The following PECR variants were observed in gnomAD, a reference collection of about 807,000 sequenced individuals.
PECR encodes peroxisomal trans-2-enoyl-CoA reductase, also known as 2,4-dienoyl-CoA reductase-related protein.
A neutral mutation model predicts 35.3 loss-of-function variants in PECR; 30 were observed. The ratio of observed to expected loss-of-function variants is 0.85; its 90% CI spans 0.64 to 1.15. The LOEUF (loss-of-function observed/expected upper bound fraction) is 1.15. Among genes scored for constraint, PECR ranks in the 50% most tolerant of loss-of-function variants. PECR has a pLI of 0.00. For synonymous variants in PECR, 148 were observed against 138.9 expected (o/e 1.07, Z -0.46); for missense variants, 392 against 370.8 (o/e 1.06, Z -0.47).
Position 216,058,982 on chromosome 2 carries a change from G to A in PECR, c.425-6C>T, listed in dbSNP as rs757145058. The A allele has an allele frequency of 1.3e-6, 2 of 1,572,552 alleles. No homozygotes were observed. The highest frequency in any genetic ancestry group is 1.8e-6 in the Non-Finnish European group (2 of 1,142,800). ...TTTCATCCAGGAGCTGTAAACTGCA[G>A]GATAGAGGCAAACTCAATCATTAAA... On this transcript the variant is annotated splice_region_variant and splice_polypyrimidine_tract_variant and intron_variant, in intron 3 of 7. Transcript: ENST00000265322.
intron 7 of PECR, among the ~76,000 whole-genome samples, chr2:216,030,954 T>A (rs56972558): frequency 0.35 from 37,943 of 107,798 alleles, 5,493 homozygotes; most frequent in Non-Finnish European, 0.41. Context: ...TCTCTCTCTC[T>A]CTCACACACA....
chr2:216,029,824 G>A (rs1694652672), intron 7 of PECR, among the ~76,000 whole-genome samples: 1 of 152,218 alleles, frequency 6.6e-6, no homozygotes, highest in African/African-American at 2.4e-5. Flanking sequence ...AAAAGGAGAT[G>A]GTTTAATGAA....
intron 4 of PECR, among the ~76,000 whole-genome samples, chr2:216,056,373 G>C (rs1348050678): frequency 6.6e-6 from 1 of 152,146 alleles, no homozygotes; most frequent in African/African-American, 2.4e-5. Context: ...AAATTAGCAA[G>C]TAATAAGCAG....
intron 6 of PECR, among the ~76,000 whole-genome samples, chr2:216,046,285 T>C (rs1345271544): frequency 3.9e-5 from 4 of 103,562 alleles, no homozygotes; most frequent in African/African-American, 1.5e-4. Context: ...AGTATATATA[T>C]ATACATACAT....
At chr2:216,059,890 C>A (rs1695300815) in intron 3 of PECR, among the ~76,000 whole-genome samples, 1 of 152,188 alleles carries the variant, frequency 6.6e-6, no homozygotes, top group South Asian at 2.1e-4. Flanking sequence ...ATTCTGGGCC[C>A]TCTGCATCTC....
chr2:216,032,804 TTTAGAA>T (rs1208400062), intron 7 of PECR: 4 of 152,224 alleles, frequency 2.6e-5, no homozygotes, highest in African/African-American at 9.6e-5. Flanking sequence ...TTGAATACGG[TTTAGAA>T]TCTTCCTGCT....
rs1395273679 is a variant in PECR, at chr2:216,031,691, G to GAGAAAGAAAGAAAGAAAGAAAGAAAGAA, written c.*440+7499_*440+7500insTTCTTTCTTTCTTTCTTTCTTTCTTTCT. ...AGAAAGAAAGAAAGAAAGAAAGAAA[G>GAGAAAGAAAGAAAGAAAGAAAGAAAGAA]AGAAAGAAAGAAAGAAAGAAAGGGA... is the stretch of plus-strand genomic sequence containing the variant. On this transcript the variant is annotated intron_variant and NMD_transcript_variant, in intron 7 of 7. Transcript: ENST00000442122. Among the ~76,000 whole-genome samples, 519 of 61,040 alleles carry GAGAAAGAAAGAAAGAAAGAAAGAAAGAA rather than the reference G, an allele frequency of 8.5e-3. 12 individuals carry two copies. Among genetic ancestry groups the GAGAAAGAAAGAAAGAAAGAAAGAAAGAA allele is most frequent in the African/African-American group, 7.5e-3 (125 of 16,584 alleles). 40.0% of individuals were successfully genotyped at this position (61,040 alleles called of 152,430 possible). A position where few individuals can be genotyped will look rare whatever the true frequency, so the allele number is the denominator to read the frequency against.
intron 6 of PECR, 49 bp downstream of exon 6, chr2:216,049,214 C>T (rs1455157473): frequency 5.4e-6 from 5 of 933,560 alleles, no homozygotes; most frequent in Non-Finnish European, 7.2e-6. Context: ...TTACAAATTC[C>T]AAAGTATAAC....
intron 7 of PECR, among the ~76,000 whole-genome samples, chr2:216,042,246 G>C (rs1694900437): frequency 6.6e-6 from 1 of 152,188 alleles, no homozygotes; most frequent in South Asian, 2.1e-4. Flanking sequence ...TGCTGTGCGG[G>C]GGAAGTAACC....
chr2:216,070,559 T>C (rs567586109), intron 1 of PECR, among the ~76,000 whole-genome samples: 1 of 152,328 alleles, frequency 6.6e-6, no homozygotes, highest in African/African-American at 2.4e-5. Context: ...CTACTTACTA[T>C]TTGAGACGGT....
Position 216,050,363 on chromosome 2 carries a change from A to G in PECR, c.604-990T>C, listed in dbSNP as rs189442383. 2.0e-5 allele frequency among the ~76,000 whole-genome samples: 3 copies of G among 152,350 alleles called. 1 individual carries two copies. Among genetic ancestry groups the G allele is most frequent in the African/African-American group, 7.2e-5 (3 of 41,580 alleles). On this transcript the variant is annotated intron_variant, in intron 5 of 7. Coordinates refer to ENST00000265322, the MANE Select transcript of PECR (RefSeq NM_018441.6). Reference sequence around the variant, plus strand: ...GGCAGTTTTAATAACTTCAAATGATACTGATACTGGAGAGATATATTGGTT... The same window carrying G: ...GGCAGTTTTAATAACTTCAAATGATGCTGATACTGGAGAGATATATTGGTT...
In PECR at chr2:216,038,581, T is replaced by A. The variant is rs1288966522; in HGVS notation, c.*694A>T. 6.6e-6 allele frequency: 1 copy of A among 152,166 alleles called. No individual in the cohort carries two copies. 9.4% of individuals were successfully genotyped at this position (152,166 alleles called of 1,614,324 possible). A position where few individuals can be genotyped will look rare whatever the true frequency, so the allele number is the denominator to read the frequency against. On this transcript the variant is annotated 3_prime_UTR_variant, in exon 8 of 8. Coordinates refer to ENST00000265322, the MANE Select transcript of PECR (RefSeq NM_018441.6). The stretch of plus-strand genomic sequence containing the variant: ...ACACAATTTAGGTTTATTTTCTACC[T>A]TTATAATTTTGTTGTTGTTGTTTGT...
At chr2:216,034,606 G>A (rs1694764703), downstream of PECR, among the ~76,000 whole-genome samples, 1 of 152,150 alleles carries the variant, frequency 6.6e-6, no homozygotes, top group Non-Finnish European at 1.5e-5. Context: ...CGTGATGGTG[G>A]AGATGGAAAA....
At chr2:216,040,992 C>T (rs983839693) in intron 7 of PECR, among the ~76,000 whole-genome samples, 2 of 152,164 alleles carry the variant, frequency 1.3e-5, no homozygotes, top group Non-Finnish European at 2.9e-5. Context: ...AATTAACTTT[C>T]TCACAATCAT....
intron 3 of PECR, among the ~76,000 whole-genome samples, chr2:216,062,201 A>C (rs1695369311): frequency 6.6e-6 from 1 of 151,056 alleles, no homozygotes; most frequent in African/African-American, 2.4e-5. Flanking sequence ...ATGCACCACC[A>C]CTCCCGGCTA....
At chr2:216,080,545 C>T (rs1036729472) in intron 1 of PECR, among the ~76,000 whole-genome samples, 1 of 152,182 alleles carries the variant, frequency 6.6e-6, no homozygotes, top group African/African-American at 2.4e-5. Flanking sequence ...AAAGGAATTA[C>T]TGTCATAGAG....
chr2:216,066,147 G>C (rs899065118), intron 2 of PECR, among the ~76,000 whole-genome samples: 1 of 151,756 alleles, frequency 6.6e-6, no homozygotes, highest in Non-Finnish European at 1.5e-5. Flanking sequence ...TAAAAATGAA[G>C]ACTTAAAGGA....
Position 216,051,439 on chromosome 2 carries a change from G to T in PECR, c.603+10C>A. 1 of 1,511,396 alleles carries T rather than the reference G, an allele frequency of 6.6e-7. No homozygotes were observed. The highest frequency in any genetic ancestry group is 9.2e-7 in the Non-Finnish European group (1 of 1,086,242). The allele number at this position is 1,511,396 out of a possible 1,614,324, so 93.6% of individuals were successfully genotyped here. ...TTGTCAATAAATTTCAATATAGATCGTTTACCTACAGGGGCAACACAATTG... is the reference window on the plus strand; with the variant it reads ...TTGTCAATAAATTTCAATATAGATCTTTTACCTACAGGGGCAACACAATTG... On this transcript the variant is annotated intron_variant, in intron 5 of 7. Coordinates refer to ENST00000265322, the MANE Select transcript of PECR (RefSeq NM_018441.6).
chr2:216,034,678 C>T (rs1694765707), downstream of PECR, among the ~76,000 whole-genome samples: 1 of 152,042 alleles, frequency 6.6e-6, no homozygotes, highest in Admixed American at 6.6e-5. Flanking sequence ...AAAAGTGGCC[C>T]GAGATGAGAA....
Sources: allele counts gnomAD v4.1 joint callset (sites outside exome capture counted in the v4.1 genomes callset), GRCh38; gene constraint gnomAD v4.1.1; transcripts MANE v1.5; gene names NCBI Gene and HGNC (gene_info 2026-07-23, HGNC 2026-07-21).